STRN4: variants seen among roughly 807,000 people sequenced by gnomAD.
STRN4 encodes striatin-4.
In STRN4, 27 loss-of-function variants were observed where a neutral mutation model predicts 77.9. The observed-to-expected ratio is 0.35, with a 90% CI of 0.26 to 0.48. The LOEUF is 0.48. STRN4 is among the 20% of genes least tolerant of loss of function. The probability of loss-of-function intolerance (pLI) is 0.99; values close to 1 mark genes in which losing one functional copy is unlikely to be tolerated. For synonymous variants in STRN4, 466 were observed against 443.1 expected, an observed-to-expected ratio of 1.05 and a Z score of -0.65; for missense variants, 798 against 1,049.7, an observed-to-expected ratio of 0.76 and a Z score of 3.31.
Position 46,723,127 on chromosome 19 carries a change from G to T in STRN4, c.1752C>A (p.Phe584Leu). ...GCCCCCACTCACCGCTGGCTGTGGG[G>T]AAGGTGCAGAGGCAGGCCGGGCTGC... ...SSSSPACLCTFPTASEHGVPT... is the reference protein window; with the variant it reads ...SSSSPACLCTLPTASEHGVPT... Residue 584 changes from phenylalanine (F) to leucine (L), a missense_variant, in exon 13 of 18, where the codon TTC becomes TTA. Physicochemically the swap from Phe to Leu is conservative, Grantham distance 22. Coordinates refer to ENST00000263280, the MANE Select transcript of STRN4 (RefSeq NM_013403.3). This position sits in a 1 kb window ranked among gnomAD's most constrained non-coding sequence, Gnocchi z 5.5. 6.4e-7 allele frequency: 1 copy of T among 1,567,212 alleles called. No individual in the cohort carries two copies. The highest frequency in any genetic ancestry group is 2.4e-5 in the East Asian group (1 of 41,878).
Position 46,722,065 on chromosome 19 carries a change from C to A in STRN4, c.2013G>T (p.Pro671=). The A allele has an allele frequency of 1.2e-6, 2 of 1,612,918 alleles. No homozygotes were observed. The highest frequency in any genetic ancestry group is 1.7e-6 in the Non-Finnish European group (2 of 1,180,004). ...IRFLDNRTGK[P]VHSMVAHLDA... The stretch of plus-strand genomic sequence containing the variant: ...CCAGGTGTGCAACCATGGAGTGCAC[C>A]GGCTTACCTGAGGCGAGAAGGGCGG... The change falls in exon 16 of 18, where the codon CCG becomes CCT. Residue 671 remains proline (P), a synonymous_variant. Transcript: ENST00000263280.
intron 3 of STRN4, among the ~76,000 whole-genome samples, chr19:46,737,924 C>A (rs1015231135): frequency 6.6e-6 from 1 of 152,152 alleles, no homozygotes; most frequent in South Asian, 2.1e-4. Context: ...GTGAGCTGCT[C>A]GTGTGTCTGC....
intron 5 of STRN4, 150 bp from the exon 6 acceptor site, chr19:46,731,023 C>A (rs540717429): frequency 4.7e-6 from 5 of 1,058,122 alleles, no homozygotes; most frequent in East Asian, 2.6e-5. Flanking sequence ...ACACACAGAG[C>A]CCCAACCCCA....
In STRN4 at chr19:46,719,893, T is replaced by C. The variant is rs1384433197; in HGVS notation, c.*512A>G. Reference sequence around the variant, plus strand: ...GCAATCCCTGGCCTGGAAGCCTTGGTTAGTGTCTGGAAAGCAGTGGAGAGG... The same window carrying C: ...GCAATCCCTGGCCTGGAAGCCTTGGCTAGTGTCTGGAAAGCAGTGGAGAGG... On this transcript the variant is annotated 3_prime_UTR_variant, in exon 18 of 18. Transcript: ENST00000263280. 2 of 152,014 alleles carry C rather than the reference T, an allele frequency of 1.3e-5. No individual in the cohort carries two copies. Among genetic ancestry groups the C allele is most frequent in the Non-Finnish European group, 2.9e-5 (2 of 68,038 alleles). 9.4% of individuals were successfully genotyped at this position (152,014 alleles called of 1,614,324 possible).
At chr19:46,727,707 G>GAGAC in intron 8 of STRN4, 161 bp from the exon 9 acceptor site, 1 of 756,500 alleles carries the variant, frequency 1.3e-6, no homozygotes, top group Non-Finnish European at 2.2e-6. Context: ...AAGAGACAGA[G>GAGAC]AGACAGACAG....
chr19:46,722,736 G>A (rs966283937), intron 14 of STRN4, 74 bp downstream of exon 14: 13 of 1,582,450 alleles, frequency 8.2e-6, no homozygotes, highest in South Asian at 5.7e-5. Flanking sequence ...ACAAGGGGTC[G>A]CCAAAGCCCC....
intron 4 of STRN4, among the ~76,000 whole-genome samples, chr19:46,735,122 A>G (rs2054333430): frequency 6.6e-6 from 1 of 151,996 alleles, no homozygotes; most frequent in African/African-American, 2.4e-5. Context: ...CTTGGCCAAC[A>G]TGGTAAAACG....
chr19:46,734,648 T>C (rs1008530643), intron 4 of STRN4, among the ~76,000 whole-genome samples: 2 of 152,158 alleles, frequency 1.3e-5, no homozygotes. Flanking sequence ...CTAATTAATA[T>C]GGAGAGATGT....
chr19:46,744,527 G>A (rs1287833135), intron 1 of STRN4, among the ~76,000 whole-genome samples: 1 of 151,998 alleles, frequency 6.6e-6, no homozygotes, highest in Non-Finnish European at 1.5e-5. Context: ...GGGACTACAG[G>A]CGCATGTCAC....
intron 16 of STRN4, 35 bp from the exon 17 acceptor site, chr19:46,720,806 T>G: frequency 1.3e-6 from 2 of 1,516,124 alleles, no homozygotes; most frequent in South Asian, 2.6e-5. Context: ...GGGTGGTCAC[T>G]GGGCTCCTCG....
chr19:46,733,018 C>T lies in STRN4; in HGVS notation c.737+21G>A. 1 of 1,597,558 alleles carries T rather than the reference C, an allele frequency of 6.3e-7. No individual in the cohort carries two copies. The highest frequency in any genetic ancestry group is 8.6e-7 in the Non-Finnish European group (1 of 1,167,904). On this transcript the variant is annotated intron_variant, in intron 5 of 17. Transcript: ENST00000263280. This position sits in a 1 kb window ranked among gnomAD's most constrained non-coding sequence, Gnocchi z 4.3. ...AGTCAGGAGGAACAGAGAGACACAC[C>T]TGCCATGTCCACGGGCTCACCTCTT...
In STRN4 at chr19:46,746,224, C is replaced by G; in HGVS notation, c.207G>C (p.Leu69=). The change falls in exon 1 of 18, where the codon CTG becomes CTC. Residue 69 remains leucine, a synonymous_variant. Coordinates refer to ENST00000263280, the MANE Select transcript of STRN4 (RefSeq NM_013403.3). ...GCGCCCACTCGTGCTGGATAAAGTG[C>G]AGGATCCCCGGCAGGCTCAGGGGCT... ...GPEPLSLPGI[L]HFIQHEWARF... is the part of the protein sequence containing the mutation. 6.5e-7 allele frequency: 1 copy of G among 1,533,642 alleles called. No homozygotes were observed. The highest frequency in any genetic ancestry group is 8.7e-7 in the Non-Finnish European group (1 of 1,149,130).
In STRN4 at chr19:46,730,868, G is replaced by A. The variant is rs749470530; in HGVS notation, c.743C>T (p.Ala248Val). ...GCGCTCTTTGCCATCTTTGCCTGCC[G>A]CGTTCCTGCCAAAGACAGCAGAGCA... ...KQIEEQIKRN[A>V]AGKDGKERLG... Residue 248 changes from alanine (A) to valine (V), a missense_variant, in exon 6 of 18, where the codon GCG (alanine) becomes GTG (valine). Physicochemically the swap from Ala to Val is moderately conservative, Grantham distance 64 (BLOSUM62 0). This residue lies in a region of STRN4 where 511 missense variants were observed against 575.9 expected (regional missense o/e 0.89). Coordinates refer to ENST00000263280, the MANE Select transcript of STRN4 (RefSeq NM_013403.3). 3.3e-5 allele frequency: 53 copies of A among 1,610,582 alleles called. No homozygotes were observed. Among genetic ancestry groups the A allele is most frequent in the South Asian group, 7.7e-5 (7 of 91,088 alleles).
chr19:46,723,233 C>T lies in STRN4; in HGVS notation c.1646G>A (p.Gly549Asp), dbSNP rs1245431090. The change falls in exon 13 of 18, where the codon GGC (glycine) becomes GAC (aspartate). Residue 549 changes from glycine to aspartate, a missense_variant. Physicochemically the swap from Gly to Asp is moderately conservative, Grantham distance 94 (BLOSUM62 -1). Transcript: ENST00000263280. This position sits in a 1 kb window ranked among gnomAD's most constrained non-coding sequence, Gnocchi z 5.5. ...CTGGGAGGTGGGACTGAAGGCCAGGCCCCACACGGCGTCCCCGTGGCCCTC... is the reference window on the plus strand; with the variant it reads ...CTGGGAGGTGGGACTGAAGGCCAGGTCCCACACGGCGTCCCCGTGGCCCTC... ...VLEGHGDAVWGLAFSPTSQRL... is the reference protein window; with the variant it reads ...VLEGHGDAVWDLAFSPTSQRL... The T allele has an allele frequency of 6.4e-7, 1 of 1,551,846 alleles. No homozygotes were observed. Among genetic ancestry groups the T allele is most frequent in the South Asian group, 1.2e-5 (1 of 84,256 alleles).
chr19:46,722,663 C>A, intron 14 of STRN4, 147 bp downstream of exon 14: 2 of 1,308,264 alleles, frequency 1.5e-6, no homozygotes, highest in East Asian at 2.4e-5. Context: ...GGGCCCTCCA[C>A]TGGGACCCAA....
At position 46,724,828 on chromosome 19, in the gene STRN4, T is replaced by G. The variant is rs759317128; in HGVS notation, c.1573A>C (p.Met525Leu). The G allele has an allele frequency of 6.2e-7, 1 of 1,613,898 alleles. No homozygotes were observed. The highest frequency in any genetic ancestry group is 1.1e-5 in the South Asian group (1 of 91,086). The change falls in exon 12 of 18, where the codon ATG becomes CTG. Residue 525 changes from methionine to leucine, a missense_variant. Physicochemically the swap from Met to Leu is conservative, Grantham distance 15 (BLOSUM62 2). Around this residue, in one of 2 missense-constraint regions of STRN4, gnomAD observed 287 missense variants for 473.8 expected, o/e 0.61. Transcript: ENST00000263280. ...TCACCGTAGCCATCATAGGGATCCA[T>G]GCTGAGGTCTGGAATCTTCCAACTA... ...IHSWKIPDLS[M>L]DPYDGYDPSV... is the part of the protein sequence containing the mutation.
intron 1 of STRN4, among the ~76,000 whole-genome samples, chr19:46,743,687 G>A (rs1211837023): frequency 6.6e-6 from 1 of 152,008 alleles, no homozygotes; most frequent in East Asian, 1.9e-4. Context: ...ATCTCTTGAG[G>A]CCAGGAGTTC....
intron 1 of STRN4, among the ~76,000 whole-genome samples, chr19:46,742,493 TA>T (rs2054491720): frequency 6.6e-6 from 1 of 152,222 alleles, no homozygotes; most frequent in Non-Finnish European, 1.5e-5. Context: ...TAAAGGTGTG[TA>T]AAAGAGGTGC....
chr19:46,746,048 C>CGG, intron 1 of STRN4, 101 bp downstream of exon 1: 1 of 1,033,980 alleles, frequency 9.7e-7, no homozygotes, highest in Non-Finnish European at 1.2e-6. Context: ...CGCCGGCCGT[C>CGG]CCGGCGGCCA....
Sources: gnomAD v4.1 joint callset for allele counts (sites outside exome capture counted in the v4.1 genomes callset) on GRCh38, gnomAD v4.1.1 for gene constraint, gnomAD v4.1.1 regional missense constraint, Gnocchi (gnomAD v3.1) non-coding constraint, MANE v1.5 for transcripts, NCBI Gene and HGNC (gene_info 2026-07-23, HGNC 2026-07-21) for gene names.